The following BACH2 variants were observed in gnomAD, a reference collection of about 807,000 sequenced individuals.
BACH2 encodes the protein transcription regulator protein BACH2.
In BACH2, 5 loss-of-function variants were observed where a neutral mutation model predicts 61.8. The observed-to-expected ratio is 0.08, with a 90% CI of 0.04 to 0.17. The LOEUF is 0.17. Among genes scored for constraint, BACH2 ranks in the 10% least tolerant of loss-of-function variants. The probability of loss-of-function intolerance (pLI) is 1.00; values close to 1 mark genes in which losing one functional copy is unlikely to be tolerated. For missense variants in BACH2, 824 were observed against 1,091.1 expected (o/e 0.76, Z 3.45); for synonymous variants, 446 against 440.1 (o/e 1.01, Z -0.17).
intron 3 of BACH2, among the ~76,000 whole-genome samples, chr6:90,228,466 G>C (rs1354089537): frequency 2.0e-5 from 3 of 152,364 alleles, no homozygotes; most frequent in East Asian, 3.9e-4. Flanking sequence ...TTTAGGTTGG[G>C]CGTGGTGGCT....
At chr6:90,134,979 C>G (rs1324544554) in intron 4 of BACH2, among the ~76,000 whole-genome samples, 1 of 152,144 alleles carries the variant, frequency 6.6e-6, no homozygotes, top group Admixed American at 6.6e-5. Context: ...ACAGATCCAG[C>G]CTTAGCAGTG....
chr6:90,048,277 C>T (rs1249491010), intron 5 of BACH2, among the ~76,000 whole-genome samples: 1 of 152,162 alleles, frequency 6.6e-6, no homozygotes, highest in Non-Finnish European at 1.5e-5. Flanking sequence ...TACAGGTGTG[C>T]ATAACCATGT....
intron 5 of BACH2, among the ~76,000 whole-genome samples, chr6:90,014,730 C>T (rs550689321): frequency 1.3e-4 from 20 of 151,298 alleles, no homozygotes; most frequent in Non-Finnish European, 1.8e-4. Flanking sequence ...GCCTTGGCCT[C>T]GCAAAGTCTT....
chr6:89,937,736 G>A (rs950674142), intron 8 of BACH2, among the ~76,000 whole-genome samples: 1 of 152,082 alleles, frequency 6.6e-6, no homozygotes, highest in African/African-American at 2.4e-5. Flanking sequence ...TCTCCATGTT[G>A]GTCAGGCTGG....
At chr6:90,179,547 T>TCTGGA (rs1191536914) in intron 4 of BACH2, among the ~76,000 whole-genome samples, 4 of 152,160 alleles carry the variant, frequency 2.6e-5, no homozygotes, top group African/African-American at 9.7e-5. Context: ...AAGGCTTAGT[T>TCTGGA]CTGGACTGGA....
At chr6:90,211,484 A>G (rs1479783573) in intron 3 of BACH2, among the ~76,000 whole-genome samples, 1 of 152,068 alleles carries the variant, frequency 6.6e-6, no homozygotes. Context: ...AGAGAAGCCT[A>G]TTTTACCTGG....
At chr6:90,240,992 G>A (rs1239854187) in intron 3 of BACH2, among the ~76,000 whole-genome samples, 1 of 151,924 alleles carries the variant, frequency 6.6e-6, no homozygotes, top group Non-Finnish European at 1.5e-5. Context: ...AAATTAGCCA[G>A]GCGTGGTGGC....
chr6:89,990,877 C>T (rs1288465783), intron 6 of BACH2, among the ~76,000 whole-genome samples: 4 of 152,164 alleles, frequency 2.6e-5, no homozygotes, highest in African/African-American at 9.7e-5. Context: ...CCCTAGTACC[C>T]GCAACAGTGC....
intron 5 of BACH2, among the ~76,000 whole-genome samples, chr6:90,072,063 C>T (rs115723130): frequency 3.3e-5 from 5 of 152,026 alleles, no homozygotes; most frequent in South Asian, 2.1e-4. Context: ...TAACTTCTAT[C>T]GAGAAAAAAA....
chr6:90,097,391 G>A (rs1266315728), intron 4 of BACH2, among the ~76,000 whole-genome samples: 4 of 152,186 alleles, frequency 2.6e-5, no homozygotes, highest in Non-Finnish European at 4.4e-5. Flanking sequence ...GTAATGGACC[G>A]AGGAGGAAGA....
intron 5 of BACH2, chr6:90,063,054 T>C (rs367853760): frequency 2.7e-6 from 1 of 367,442 alleles, no homozygotes; most frequent in African/African-American, 2.2e-5. Flanking sequence ...TTGAGCTTTA[T>C]GTAAAAGTCA....
intron 1 of BACH2, among the ~76,000 whole-genome samples, chr6:90,295,605 A>G (rs1772322132): frequency 2.0e-5 from 3 of 152,110 alleles, no homozygotes; most frequent in South Asian, 2.1e-4. Flanking sequence ...TCCCCTTCAT[A>G]AACCAGTCTC....
At chr6:90,093,514 T>C (rs1782259417) in intron 4 of BACH2, among the ~76,000 whole-genome samples, 1 of 152,226 alleles carries the variant, frequency 6.6e-6, no homozygotes, top group African/African-American at 2.4e-5. Flanking sequence ...ACTTGAAAAG[T>C]ACCTAGTGAG....
At chr6:90,296,135 T>C (rs534557032) in intron 1 of BACH2, among the ~76,000 whole-genome samples, 4 of 152,020 alleles carry the variant, frequency 2.6e-5, no homozygotes, top group African/African-American at 7.2e-5. Flanking sequence ...GCCCTCCCCA[T>C]GCCTGACTTA....
At chr6:90,246,829 T>C (rs1265308876) in intron 3 of BACH2, among the ~76,000 whole-genome samples, 4 of 152,170 alleles carry the variant, frequency 2.6e-5, no homozygotes, top group African/African-American at 9.7e-5. Flanking sequence ...AAAACACCAA[T>C]GTCTCACTTA....
In BACH2 at chr6:89,927,886, T is replaced by C. The variant is rs531014356; in HGVS notation, c.*4522A>G. 6.6e-6 allele frequency: 1 copy of C among 152,632 alleles called. No individual in the cohort carries two copies. Among genetic ancestry groups the C allele is most frequent in the Non-Finnish European group, 1.5e-5 (1 of 68,032 alleles). The allele number at this position is 152,632 out of a possible 1,614,324, so 9.5% of individuals were successfully genotyped here. ...TGCACACACTATTTGTGTACAGATATGTTCTGTTCTACAGCATCGGTTTTG... is the reference window on the plus strand; with the variant it reads ...TGCACACACTATTTGTGTACAGATACGTTCTGTTCTACAGCATCGGTTTTG... On this transcript the variant is annotated 3_prime_UTR_variant, in exon 9 of 9. Coordinates refer to ENST00000257749, the MANE Select transcript of BACH2 (RefSeq NM_021813.4).
intron 3 of BACH2, among the ~76,000 whole-genome samples, chr6:90,241,255 G>C (rs1770443220): frequency 6.6e-6 from 1 of 151,890 alleles, no homozygotes; most frequent in African/African-American, 2.4e-5. Context: ...AAAATGATGA[G>C]ATGATACTTC....
At position 89,932,600 on chromosome 6, in the gene BACH2, T is replaced by C. The variant is rs200505776; in HGVS notation, c.2334A>G (p.Gly778=). 5.9e-5 allele frequency: 96 copies of C among 1,613,968 alleles called. No homozygotes were observed. The highest frequency in any genetic ancestry group is 1.7e-4 in the Middle Eastern group (1 of 6,050). Residue 778 remains glycine, a synonymous_variant, in exon 9 of 9, where the codon GGA becomes GGG. Transcript: ENST00000257749. ...CCLEPGAAPP[G]PPWAPSNTSE... ...AGGTGTTGCTGGGTGCCCAGGGGGG[T>C]CCGGGGGGAGCCGCGCCTGGCTCCA... is the stretch of plus-strand genomic sequence containing the variant.
At chr6:90,031,653 T>C (rs1246580786) in intron 5 of BACH2, among the ~76,000 whole-genome samples, 1 of 152,142 alleles carries the variant, frequency 6.6e-6, no homozygotes, top group Non-Finnish European at 1.5e-5. Context: ...ACAAGGGATG[T>C]GAAGGACCTC....
Sources: gnomAD v4.1 joint callset for allele counts (sites outside exome capture counted in the v4.1 genomes callset) on GRCh38, gnomAD v4.1.1 for gene constraint, MANE v1.5 for transcripts, NCBI Gene and HGNC (gene_info 2026-07-23, HGNC 2026-07-21) for gene names.